Variants in DIS3L2 observed in about 807,000 individuals in gnomAD.
DIS3L2 encodes the protein DIS3-like exonuclease 2.
A neutral mutation model predicts 97.5 loss-of-function variants in DIS3L2; 34 were observed. The observed-to-expected ratio is 0.35, with a 90% CI of 0.27 to 0.46. DIS3L2 has a LOEUF of 0.46. Among genes scored for constraint, DIS3L2 ranks in the 20% least tolerant of loss-of-function variants. DIS3L2 has a pLI of 1.00. For missense variants in DIS3L2, 1,038 were observed against 1,146.0 expected, an observed-to-expected ratio of 0.91 and a Z score of 1.36; for synonymous variants, 435 against 445.2, an observed-to-expected ratio of 0.98 and a Z score of 0.29.
chr2:232,033,403 C>T (rs942944130), intron 5 of DIS3L2, among the ~76,000 whole-genome samples: 1 of 152,170 alleles, frequency 6.6e-6, no homozygotes, highest in Non-Finnish European at 1.5e-5. Context: ...AATATACAAT[C>T]ATGTCATCTG....
chr2:232,329,879 C>T lies in DIS3L2; in HGVS notation c.1806C>T (p.Pro602=), dbSNP rs755655199. The change falls in exon 15 of 21, where the codon CCC becomes CCT. Residue 602 remains proline, a synonymous_variant. Transcript: ENST00000325385. The part of the protein sequence containing the change: ...AVAHKIHRAF[P]EQALLRRHPP... ...CCCACAAGATCCACCGCGCCTTCCC[C>T]GAGCAGGCCCTGCTGCGCCGGCACC... 186 of 1,611,576 alleles carry T rather than the reference C, an allele frequency of 1.2e-4. No homozygotes were observed. Among genetic ancestry groups the T allele is most frequent in the Non-Finnish European group, 1.5e-4 (172 of 1,179,216 alleles).
At chr2:232,125,564 A>G (rs910510160) in intron 6 of DIS3L2, among the ~76,000 whole-genome samples, 2 of 152,194 alleles carry the variant, frequency 1.3e-5, no homozygotes, top group Admixed American at 6.5e-5. Flanking sequence ...CTTTACCCAT[A>G]GTATAAGTTG....
At chr2:232,242,783 C>G (rs554403040) in intron 11 of DIS3L2, among the ~76,000 whole-genome samples, 1 of 152,284 alleles carries the variant, frequency 6.6e-6, no homozygotes, top group East Asian at 1.9e-4. Context: ...CCCTTTTCTC[C>G]ACGGCCAGCT....
chr2:232,095,320 G>T (rs1330159875), intron 6 of DIS3L2, among the ~76,000 whole-genome samples: 1 of 151,928 alleles, frequency 6.6e-6, no homozygotes, highest in South Asian at 2.1e-4. Context: ...TGTATTTGTT[G>T]TATGTTTTTT....
exon 14 of DIS3L2, chr2:232,343,576 A>G (rs1430597855): frequency 5.1e-6 from 8 of 1,575,678 alleles, no homozygotes; most frequent in Non-Finnish European, 6.9e-6. Flanking sequence ...GCAGATTTGA[A>G]GAAGCATGTG....
At chr2:232,331,381 G>A (rs1397912420) in intron 16 of DIS3L2, among the ~76,000 whole-genome samples, 2 of 152,170 alleles carry the variant, frequency 1.3e-5, no homozygotes, top group African/African-American at 2.4e-5. Context: ...CTGATGGGTC[G>A]GCTCTGGGTC....
At chr2:232,079,982 T>A (rs535523486) in intron 5 of DIS3L2, among the ~76,000 whole-genome samples, 1 of 152,236 alleles carries the variant, frequency 6.6e-6, no homozygotes, top group African/African-American at 2.4e-5. Flanking sequence ...GTTGGGAGAA[T>A]GACATGATCT....
intron 6 of DIS3L2, among the ~76,000 whole-genome samples, chr2:232,111,468 C>G (rs1207025138): frequency 1.3e-5 from 2 of 152,100 alleles, no homozygotes; most frequent in African/African-American, 4.8e-5. Flanking sequence ...AGTTGCCAAG[C>G]TGGGTCTTGG....
At chr2:232,247,776 AT>A (rs886895339) in intron 11 of DIS3L2, among the ~76,000 whole-genome samples, 11 of 152,172 alleles carry the variant, frequency 7.2e-5, no homozygotes, top group Admixed American at 1.3e-4. Context: ...AAGATGTATC[AT>A]TTTATAAAAC....
At chr2:232,021,662 GA>G (rs1274323610) in intron 3 of DIS3L2, among the ~76,000 whole-genome samples, 1 of 152,106 alleles carries the variant, frequency 6.6e-6, no homozygotes, top group Non-Finnish European at 1.5e-5. Flanking sequence ...TAGTGAATTG[GA>G]GCTTTGACCC....
chr2:232,173,418 G>A (rs1374743802), intron 9 of DIS3L2, among the ~76,000 whole-genome samples: 1 of 152,016 alleles, frequency 6.6e-6, no homozygotes, highest in Non-Finnish European at 1.5e-5. Flanking sequence ...TTTTTATAGA[G>A]ATGGGGTTTT....
At position 232,193,052 on chromosome 2, in the gene DIS3L2, C is replaced by T. The variant is rs117978458; in HGVS notation, c.1125-17274C>T. 4.9e-4 allele frequency among the ~76,000 whole-genome samples: 75 copies of T among 152,330 alleles called. 1 individual carries two copies. The East Asian group carries it at 0.014, about 28-fold the overall frequency. ...TATCTACAGCTACCACGGTGCTCTCCGGGCCCATCCAACCAAAGGGAGACT... is the reference window on the plus strand; with the variant it reads ...TATCTACAGCTACCACGGTGCTCTCTGGGCCCATCCAACCAAAGGGAGACT... On this transcript the variant is annotated intron_variant, in intron 9 of 20. Transcript: ENST00000325385.
chr2:232,077,953 TTCTCTTTCTTTC>T, intron 5 of DIS3L2, among the ~76,000 whole-genome samples: 1 of 137,312 alleles, frequency 7.3e-6, no homozygotes, highest in South Asian at 2.5e-4. Flanking sequence ...TTTTCTTTCT[TTCTCTTTCTTTC>T]TTTCTTTCTT....
chr2:232,088,538 G>T (rs1217948066), intron 6 of DIS3L2, among the ~76,000 whole-genome samples: 4 of 151,662 alleles, frequency 2.6e-5, no homozygotes, highest in Non-Finnish European at 4.4e-5. Flanking sequence ...CTCCAGCCTG[G>T]GTGACAGAGT....
At chr2:232,313,620 G>A (rs4490169) in intron 14 of DIS3L2, among the ~76,000 whole-genome samples, 23,123 of 152,134 alleles carry the variant, frequency 0.15, 2,872 homozygotes, top group African/African-American at 0.34. Flanking sequence ...AACTATTATT[G>A]CCTCACAGGT....
chr2:232,162,487 A>T (rs1459428795), intron 8 of DIS3L2, among the ~76,000 whole-genome samples: 1 of 152,164 alleles, frequency 6.6e-6, no homozygotes, highest in Non-Finnish European at 1.5e-5. Flanking sequence ...GCACATAAGA[A>T]CTCCAGCAGC....
At chr2:232,033,744 G>A (rs773265975) in intron 5 of DIS3L2, among the ~76,000 whole-genome samples, 4 of 152,084 alleles carry the variant, frequency 2.6e-5, no homozygotes, top group Admixed American at 6.6e-5. Context: ...TTTTGTCATC[G>A]GTTCTGTTTA....
At position 232,328,325 on chromosome 2, in the gene DIS3L2, C is replaced by G. The variant is rs536066659; in HGVS notation, c.1740-1488C>G. On this transcript the variant is annotated intron_variant, in intron 14 of 20. Transcript: ENST00000325385. ...CTAGGGGTGCTGGGCTGGCTTCCCTCCTCTCCAGGTGGTGCCTGCCCTCCT... is the reference window on the plus strand; with the variant it reads ...CTAGGGGTGCTGGGCTGGCTTCCCTGCTCTCCAGGTGGTGCCTGCCCTCCT... 5.9e-5 allele frequency among the ~76,000 whole-genome samples: 9 copies of G among 152,348 alleles called. No homozygotes were observed. The East Asian group carries it at 1.7e-3, about 29-fold the overall frequency.
In DIS3L2 at chr2:232,343,538, TAA is replaced by T; in HGVS notation, c.1776_1777del (p.Ile592MetfsTer115). On this transcript the variant is annotated frameshift_variant, in exon 14 of 14. Transcript: ENST00000273009. LOFTEE classifies it high-confidence loss of function. ...TTGGAAGCAAAGCCCCAAAACACGA[TAA>T]GAGTAGAGGAGCAGACAACCCAGTT... 1 of 1,564,424 alleles carries T rather than the reference TAA, an allele frequency of 6.4e-7. No individual in the cohort carries two copies. Among genetic ancestry groups the T allele is most frequent in the Non-Finnish European group, 8.7e-7 (1 of 1,154,438 alleles).
Sources: gnomAD v4.1 joint callset for allele counts (sites outside exome capture counted in the v4.1 genomes callset) on GRCh38, gnomAD v4.1.1 for gene constraint, MANE v1.5 for transcripts, NCBI Gene and HGNC (gene_info 2026-07-23, HGNC 2026-07-21) for gene names.